FOXP1: variants seen among roughly 807,000 people sequenced by gnomAD.
FOXP1 encodes forkhead box protein P1.
A neutral mutation model predicts 98.2 loss-of-function variants in FOXP1; 15 were observed. The observed-to-expected ratio is 0.15, with a 90% confidence interval of 0.10 to 0.24. The LOEUF (loss-of-function observed/expected upper bound fraction) is 0.24, where lower values mean the gene tolerates loss of function less well. FOXP1 is among the 10% of genes least tolerant of loss of function. The probability of loss-of-function intolerance (pLI) is 1.00; values close to 1 mark genes in which losing one functional copy is unlikely to be tolerated. For missense variants in FOXP1, 633 were observed against 848.5 expected, an observed-to-expected ratio of 0.75 and a Z score of 3.15; for synonymous variants, 371 against 314.5, an observed-to-expected ratio of 1.18 and a Z score of -1.90.
chr3:71,072,925 A>G (rs910434083), intron 7 of FOXP1, among the ~76,000 whole-genome samples: 7 of 152,282 alleles, frequency 4.6e-5, no homozygotes, highest in South Asian at 2.1e-4. Context: ...GAGACATCAG[A>G]CCCCTTTTGT....
At chr3:71,453,089 G>A (rs2087120996) in intron 3 of FOXP1, among the ~76,000 whole-genome samples, 2 of 152,038 alleles carry the variant, frequency 1.3e-5, no homozygotes, top group Non-Finnish European at 2.9e-5. Flanking sequence ...AACAATTTGA[G>A]TTTCAGCCCC....
At chr3:71,170,015 C>A (rs1383588379) in intron 6 of FOXP1, among the ~76,000 whole-genome samples, 1 of 152,106 alleles carries the variant, frequency 6.6e-6, no homozygotes, top group East Asian at 1.9e-4. Flanking sequence ...ATTTCCAATA[C>A]TTAAACTTTG....
chr3:71,572,519 A>T (rs1378533873), intron 2 of FOXP1: 1 of 152,156 alleles, frequency 6.6e-6, no homozygotes, highest in Non-Finnish European at 1.5e-5. Context: ...TTTATTTTTT[A>T]AAAAAGCAAG....
chr3:71,433,885 T>C (rs1409295330), intron 3 of FOXP1, among the ~76,000 whole-genome samples: 5 of 152,222 alleles, frequency 3.3e-5, no homozygotes, highest in Non-Finnish European at 7.3e-5. Flanking sequence ...CAGGGAAGCT[T>C]AGATCGCATC....
At chr3:71,379,289 G>C (rs2079963888) in intron 3 of FOXP1, among the ~76,000 whole-genome samples, 1 of 152,088 alleles carries the variant, frequency 6.6e-6, no homozygotes, top group African/African-American at 2.4e-5. Context: ...AGGTGGTACA[G>C]GCATAGCAAC....
chr3:71,487,528 C>T (rs1056758985), intron 3 of FOXP1, among the ~76,000 whole-genome samples: 1 of 152,124 alleles, frequency 6.6e-6, no homozygotes, highest in Non-Finnish European at 1.5e-5. Flanking sequence ...AGCCTGCCTA[C>T]AAGAATTTAG....
At position 70,976,937 on chromosome 3, in the gene FOXP1, T is replaced by G; in HGVS notation, c.1530+4A>C. On this transcript the variant is annotated splice_donor_region_variant and intron_variant, in intron 17 of 20. Transcript: ENST00000649528. ...CAAGAATAAACAGGCCTGAGAAAGCTTACCTTCCACGTGGCCGCGTTGCGT... is the reference window on the plus strand; with the variant it reads ...CAAGAATAAACAGGCCTGAGAAAGCGTACCTTCCACGTGGCCGCGTTGCGT... The G allele has an allele frequency of 6.2e-7, 1 of 1,609,724 alleles. No homozygotes were observed. Among genetic ancestry groups the G allele is most frequent in the Non-Finnish European group, 8.5e-7 (1 of 1,175,930 alleles).
chr3:71,443,023 T>C (rs1410389713), intron 3 of FOXP1, among the ~76,000 whole-genome samples: 1 of 152,102 alleles, frequency 6.6e-6, no homozygotes, highest in Non-Finnish European at 1.5e-5. Context: ...TCCTGAGTAG[T>C]TGGGATTACA....
At chr3:71,248,038 A>C (rs954279139) in intron 5 of FOXP1, among the ~76,000 whole-genome samples, 4 of 152,218 alleles carry the variant, frequency 2.6e-5, no homozygotes, top group African/African-American at 9.6e-5. Context: ...GCACAATAGC[A>C]AGACAGATTC....
intron 3 of FOXP1, among the ~76,000 whole-genome samples, chr3:71,382,976 G>A (rs1014326651): frequency 1.3e-5 from 2 of 152,200 alleles, no homozygotes; most frequent in Non-Finnish European, 2.9e-5. Context: ...GTGGGTATGA[G>A]AACTTGAAAA....
At chr3:71,210,431 T>C (rs1385855432) in intron 5 of FOXP1, among the ~76,000 whole-genome samples, 1 of 152,136 alleles carries the variant, frequency 6.6e-6, no homozygotes. Context: ...GGAAGAAAAT[T>C]TCCACTGAGC....
intron 13 of FOXP1, among the ~76,000 whole-genome samples, chr3:70,999,137 T>A (rs1328377861): frequency 2.0e-5 from 3 of 152,196 alleles, no homozygotes; most frequent in African/African-American, 7.2e-5. Flanking sequence ...TCGCCCAGGC[T>A]GGAGTGCAGT....
At chr3:71,047,192 G>T in intron 9 of FOXP1, 97 bp from the exon 10 acceptor site, 1 of 1,421,930 alleles carries the variant, frequency 7.0e-7, no homozygotes, top group Non-Finnish European at 9.9e-7. Flanking sequence ...CAAATGCTGA[G>T]AATGGTCACT....
At chr3:71,364,284 T>G (rs2078764087) in intron 3 of FOXP1, among the ~76,000 whole-genome samples, 1 of 152,176 alleles carries the variant, frequency 6.6e-6, no homozygotes, top group African/African-American at 2.4e-5. Context: ...AAATATTTCA[T>G]AGTTACCATT....
At chr3:71,140,559 C>T (rs1400212559) in intron 6 of FOXP1, among the ~76,000 whole-genome samples, 2 of 152,204 alleles carry the variant, frequency 1.3e-5, no homozygotes, top group Admixed American at 1.3e-4. Context: ...GTGAAAACAG[C>T]ATTTATCAAT....
At chr3:70,972,241 C>A in intron 18 of FOXP1, 1 of 1,359,964 alleles carries the variant, frequency 7.4e-7, no homozygotes, top group Non-Finnish European at 9.9e-7. Flanking sequence ...GGGTTGGGGG[C>A]AGAACAGACA....
At chr3:71,477,885 TCA>T (rs1452723835) in intron 3 of FOXP1, among the ~76,000 whole-genome samples, 4 of 152,204 alleles carry the variant, frequency 2.6e-5, no homozygotes, top group Admixed American at 2.0e-4. Context: ...ATGTGAAACC[TCA>T]CAGTTTATAC....
At position 71,041,632 on chromosome 3, in the gene FOXP1, A is replaced by AG. The variant is rs1342559162; in HGVS notation, c.665-101dup. On this transcript the variant is annotated intron_variant, in intron 10 of 20. Coordinates refer to ENST00000649528, the MANE Select transcript of FOXP1 (RefSeq NM_001349338.3). ...GAGTCAGTAAACAAAGCCTAGTGTT[A>AG]GGGGGGTTTTTCGGTGTGTGCAGTT... is the stretch of plus-strand genomic sequence containing the variant. 26 of 1,212,774 alleles carry AG rather than the reference A, an allele frequency of 2.1e-5. No individual in the cohort carries two copies. In the South Asian group the frequency reaches 2.7e-4, roughly 12 times the overall value. The allele number at this position is 1,212,774 out of a possible 1,614,324, so 75.1% of individuals were successfully genotyped here.
chr3:70,955,832 G>GCGCACACACACA lies in FOXP1; in HGVS notation c.*3414_*3415insTGTGTGTGTGCG, dbSNP rs1553648184. 1.3e-4 allele frequency: 29 copies of GCGCACACACACA among 221,634 alleles called. No individual in the cohort carries two copies. Among genetic ancestry groups the GCGCACACACACA allele is most frequent in the East Asian group, 6.2e-4 (10 of 16,066 alleles). 13.7% of individuals were successfully genotyped at this position (221,634 alleles called of 1,614,324 possible). A position where few individuals can be genotyped will look rare whatever the true frequency, so the allele number is the denominator to read the frequency against. On this transcript the variant is annotated 3_prime_UTR_variant, in exon 21 of 21. Transcript: ENST00000649528. ...AACAGATTAACACACACGCACGCGC[G>GCGCACACACACA]CACACACACACACACACACACACAA...
Sources: allele counts gnomAD v4.1 joint callset (sites outside exome capture counted in the v4.1 genomes callset), GRCh38; gene constraint gnomAD v4.1.1; transcripts MANE v1.5; gene names NCBI Gene and HGNC (gene_info 2026-07-23, HGNC 2026-07-21).